SPAG16: variants seen among roughly 807,000 people sequenced by gnomAD.
SPAG16 encodes the protein sperm associated antigen 16.
SPAG16 carries 86 observed loss-of-function variants against 80.4 expected under a neutral mutation model. That is an observed-to-expected ratio of 1.07 (90% CI 0.90 to 1.28). The LOEUF (loss-of-function observed/expected upper bound fraction) is 1.28. Among genes scored for constraint, SPAG16 ranks in the 50% most tolerant of loss-of-function variants. SPAG16 has a pLI of 0.00. For missense variants in SPAG16, 870 were observed against 765.3 expected (o/e 1.14, Z -1.61); for synonymous variants, 294 against 265.9 (o/e 1.11, Z -1.03).
In SPAG16 at chr2:214,273,542, A is replaced by G. The variant is rs577764383; in HGVS notation, c.1720+124276A>G. ...CAGTTTTCCCAACACCATTTATTAA[A>G]TAGTGAATCCTTTCCCCATTTATTT... On this transcript the variant is annotated intron_variant, in intron 15 of 15. Transcript: ENST00000331683. Among the ~76,000 whole-genome samples, 25 of 152,260 alleles carry G rather than the reference A, an allele frequency of 1.6e-4. 1 individual carries two copies. In the Middle Eastern group the frequency reaches 0.01, roughly 62 times the overall value.
intron 10 of SPAG16, among the ~76,000 whole-genome samples, chr2:213,734,051 G>A (rs2067180271): frequency 6.6e-6 from 1 of 152,102 alleles, no homozygotes; most frequent in Non-Finnish European, 1.5e-5. Context: ...GATTCTCTGT[G>A]AATATAACAT....
intron 15 of SPAG16, among the ~76,000 whole-genome samples, chr2:214,310,905 C>CT (rs1480831453): frequency 3.9e-5 from 6 of 152,336 alleles, no homozygotes; most frequent in Non-Finnish European, 7.3e-5. Context: ...TGCTGCCACT[C>CT]TGTGTAGAAA....
At chr2:213,856,408 G>C (rs142454589) in intron 10 of SPAG16, among the ~76,000 whole-genome samples, 308 of 152,256 alleles carry the variant, frequency 2.0e-3, no homozygotes, top group Middle Eastern at 0.014. Flanking sequence ...ACCATTCTGG[G>C]GTCTGAAGGA....
intron 10 of SPAG16, among the ~76,000 whole-genome samples, chr2:213,660,801 T>C (rs2063398239): frequency 6.6e-6 from 1 of 152,232 alleles, no homozygotes; most frequent in South Asian, 2.1e-4. Flanking sequence ...ACATGTTCCA[T>C]ATGCTTCAAA....
intron 9 of SPAG16, among the ~76,000 whole-genome samples, chr2:213,380,094 T>G (rs1338033501): frequency 6.6e-6 from 1 of 152,184 alleles, no homozygotes; most frequent in African/African-American, 2.4e-5. Context: ...CAATCGTGCT[T>G]CTTTTAAGTC....
At chr2:213,991,558 C>G (rs958249320) in intron 12 of SPAG16, among the ~76,000 whole-genome samples, 1 of 152,054 alleles carries the variant, frequency 6.6e-6, no homozygotes, top group African/African-American at 2.4e-5. Context: ...GTTTTCCATT[C>G]CCTGGTGCTC....
At chr2:213,718,166 A>G (rs1051896913) in intron 10 of SPAG16, among the ~76,000 whole-genome samples, 23 of 151,038 alleles carry the variant, frequency 1.5e-4, no homozygotes, top group East Asian at 7.7e-4. Flanking sequence ...AAAAAAAAAA[A>G]AAAGAAAACC....
intron 9 of SPAG16, among the ~76,000 whole-genome samples, chr2:213,415,285 C>CAG (rs1238262783): frequency 6.6e-6 from 1 of 152,230 alleles, no homozygotes; most frequent in Admixed American, 6.5e-5. Flanking sequence ...GCAGTGTTGA[C>CAG]AGCTGACCTG....
rs1342413344 is a variant in SPAG16, at chr2:213,387,429, CTCTTTTTTTTTTTTT to C, written c.942+12312_942+12326del. ...TTTTTGGGTTGGAATGAAATGCATG[CTCTTTTTTTTTTTTT>C]TTTTTTTTTTTTTTTTGAGACAGAG... On this transcript the variant is annotated intron_variant, in intron 9 of 15. Transcript: ENST00000331683. 6.7e-4 allele frequency among the ~76,000 whole-genome samples: 48 copies of C among 71,774 alleles called. 1 individual carries two copies. The highest frequency in any genetic ancestry group is 1.3e-3 in the Admixed American group (6 of 4,630). The allele number at this position is 71,774 out of a possible 152,430, so 47.1% of individuals were successfully genotyped here.
chr2:214,059,236 A>ATATG (rs2050125626), intron 13 of SPAG16, among the ~76,000 whole-genome samples: 1 of 119,880 alleles, frequency 8.3e-6, no homozygotes, highest in Non-Finnish European at 1.8e-5. Flanking sequence ...ATATATATAT[A>ATATG]TATATGTATG....
chr2:213,974,963 A>AC (rs1435128260), intron 12 of SPAG16, among the ~76,000 whole-genome samples: 12 of 150,764 alleles, frequency 8.0e-5, no homozygotes, highest in African/African-American at 2.9e-4. Flanking sequence ...AAAAAAAAAA[A>AC]AACACAAAAT....
chr2:214,206,271 C>G (rs1447008095), intron 15 of SPAG16, among the ~76,000 whole-genome samples: 5 of 152,254 alleles, frequency 3.3e-5, no homozygotes, highest in Admixed American at 2.0e-4. Flanking sequence ...TTCTCCTTAT[C>G]TCTTTCTCCC....
At chr2:213,909,530 C>T (rs4673787) in intron 11 of SPAG16, among the ~76,000 whole-genome samples, 130,611 of 151,500 alleles carry the variant, frequency 0.86, 58,189 homozygotes, top group East Asian at 1. Flanking sequence ...AAAACAGAGA[C>T]ATAGATCAAT....
chr2:214,108,479 A>ACACACAC (rs71409874), intron 14 of SPAG16, among the ~76,000 whole-genome samples: 18 of 52,408 alleles, frequency 3.4e-4, no homozygotes, highest in African/African-American at 1.3e-3. Flanking sequence ...ACACACACAC[A>ACACACAC]CCCCCACACA....
At chr2:213,732,468 T>C (rs2067095084) in intron 10 of SPAG16, among the ~76,000 whole-genome samples, 2 of 152,242 alleles carry the variant, frequency 1.3e-5, no homozygotes, top group South Asian at 4.1e-4. Flanking sequence ...TTGGTTACTA[T>C]AGCCCTATAG....
chr2:213,532,462 A>ATTTTT (rs374457236), intron 10 of SPAG16, among the ~76,000 whole-genome samples: 18 of 139,998 alleles, frequency 1.3e-4, no homozygotes, highest in South Asian at 9.0e-4. Context: ...GTTTAATTGA[A>ATTTTT]TTTTTTTTTT....
intron 15 of SPAG16, among the ~76,000 whole-genome samples, chr2:214,386,308 G>T (rs924886359): frequency 6.6e-6 from 1 of 152,072 alleles, no homozygotes; most frequent in African/African-American, 2.4e-5. Flanking sequence ...GCTTTAGCTC[G>T]GGAGGCAGAA....
chr2:213,831,509 A>C (rs1273355591), intron 10 of SPAG16, among the ~76,000 whole-genome samples: 1 of 151,400 alleles, frequency 6.6e-6, no homozygotes, highest in Non-Finnish European at 1.5e-5. Context: ...AAAGTTCTTC[A>C]TGGTTGTCGT....
intron 8 of SPAG16, chr2:213,365,549 C>G (rs1380808618): frequency 6.6e-6 from 1 of 151,914 alleles, no homozygotes; most frequent in Non-Finnish European, 1.5e-5. Flanking sequence ...CCTCCACCTC[C>G]CAGGTTCAAG....
Sources: gnomAD v4.1 joint callset for allele counts (sites outside exome capture counted in the v4.1 genomes callset) on GRCh38, gnomAD v4.1.1 for gene constraint, MANE v1.5 for transcripts, NCBI Gene and HGNC (gene_info 2026-07-23, HGNC 2026-07-21) for gene names.